MAPK10: variants seen among roughly 807,000 people sequenced by gnomAD.
MAPK10 encodes mitogen-activated protein kinase 10, also known as JNK3 alpha protein kinase.
Under a neutral mutation model 59.3 loss-of-function variants are expected in MAPK10, and 25 were observed. The observed-to-expected ratio is 0.42, with a 90% CI of 0.31 to 0.59. The LOEUF is 0.59. MAPK10 is among the 20% of genes least tolerant of loss of function. The pLI is 0.15. For missense variants in MAPK10, 351 were observed against 568.9 expected (o/e 0.62, Z 3.90); for synonymous variants, 190 against 200.5 (o/e 0.95, Z 0.44).
At chr4:86,276,260 A>G (rs989054462) in intron 2 of MAPK10, among the ~76,000 whole-genome samples, 2 of 152,036 alleles carry the variant, frequency 1.3e-5, no homozygotes, top group African/African-American at 2.4e-5. Flanking sequence ...CCTAGTACCT[A>G]TCTTTACTCT....
chr4:86,110,132 G>A (rs913066986), intron 4 of MAPK10, among the ~76,000 whole-genome samples: 8 of 151,974 alleles, frequency 5.3e-5, no homozygotes, highest in Non-Finnish European at 1.0e-4. Context: ...TTAGACCTTT[G>A]CCAGATGGAT....
At chr4:86,435,278 C>T (rs1364123978) in intron 1 of MAPK10, among the ~76,000 whole-genome samples, 1 of 152,042 alleles carries the variant, frequency 6.6e-6, no homozygotes, top group Non-Finnish European at 1.5e-5. Flanking sequence ...GGGCGGATTA[C>T]CTGAGGTCAG....
At chr4:86,142,060 A>C (rs570680582) in intron 4 of MAPK10, among the ~76,000 whole-genome samples, 1 of 152,300 alleles carries the variant, frequency 6.6e-6, no homozygotes, top group East Asian at 1.9e-4. Context: ...CAATCTCTCA[A>C]GAGCAAAAAT....
intron 1 of MAPK10, among the ~76,000 whole-genome samples, chr4:86,519,149 T>G (rs1485866355): frequency 1.3e-5 from 2 of 152,238 alleles, no homozygotes; most frequent in East Asian, 3.8e-4. Flanking sequence ...AGGGTATAGT[T>G]TAAGTCCACT....
intron 2 of MAPK10, chr4:86,335,248 CAT>C (rs969317724): frequency 1.3e-5 from 2 of 152,128 alleles, no homozygotes; most frequent in African/African-American, 4.8e-5. Context: ...ATTTGTTGTA[CAT>C]GTTACATTGC....
At chr4:86,396,860 A>G (rs1743012406) in intron 1 of MAPK10, among the ~76,000 whole-genome samples, 1 of 152,212 alleles carries the variant, frequency 6.6e-6, no homozygotes, top group Admixed American at 6.5e-5. Flanking sequence ...CGGGAATAAC[A>G]TTTCAACATG....
chr4:86,127,422 A>C (rs528051828), intron 4 of MAPK10, among the ~76,000 whole-genome samples: 4 of 152,100 alleles, frequency 2.6e-5, no homozygotes, highest in African/African-American at 9.7e-5. Context: ...TTCTATGAAC[A>C]TGACTCAAAT....
chr4:86,531,556 C>G (rs964968374), intron 1 of MAPK10, among the ~76,000 whole-genome samples: 1 of 152,150 alleles, frequency 6.6e-6, no homozygotes, highest in Non-Finnish European at 1.5e-5. Flanking sequence ...GATTCCCTCA[C>G]CAAGAGGGCA....
chr4:86,322,913 G>T (rs1193949903), intron 2 of MAPK10, among the ~76,000 whole-genome samples: 1 of 152,184 alleles, frequency 6.6e-6, no homozygotes, highest in Non-Finnish European at 1.5e-5. Context: ...CGAGCTTCAC[G>T]CCTGTAATCC....
intron 1 of MAPK10, among the ~76,000 whole-genome samples, chr4:86,582,510 C>T (rs527727185): frequency 6.6e-6 from 1 of 152,160 alleles, no homozygotes; most frequent in Non-Finnish European, 1.5e-5. Flanking sequence ...TATCAAATAA[C>T]TACCTTGGCT....
intron 1 of MAPK10, among the ~76,000 whole-genome samples, chr4:86,359,395 G>C (rs188907814): frequency 4.7e-5 from 7 of 148,788 alleles, no homozygotes; most frequent in Admixed American, 3.4e-4. Flanking sequence ...GTCACAATAA[G>C]AATGCTCCCT....
chr4:86,557,291 T>C (rs1760342936), intron 1 of MAPK10, among the ~76,000 whole-genome samples: 1 of 152,030 alleles, frequency 6.6e-6, no homozygotes, highest in Non-Finnish European at 1.5e-5. Flanking sequence ...TAAGATATAA[T>C]AAAATAACAA....
intron 1 of MAPK10, among the ~76,000 whole-genome samples, chr4:86,579,421 C>T (rs1762110556): frequency 6.6e-6 from 1 of 151,964 alleles, no homozygotes; most frequent in East Asian, 1.9e-4. Context: ...GCACATTTAC[C>T]TCATTCTTCC....
chr4:86,178,526 C>T (rs1038977576), intron 3 of MAPK10, among the ~76,000 whole-genome samples: 3 of 152,032 alleles, frequency 2.0e-5, no homozygotes, highest in African/African-American at 7.2e-5. Flanking sequence ...TTTATAGGTA[C>T]TCAGTAAGAT....
chr4:86,475,362 C>T (rs1300338673), intron 1 of MAPK10, among the ~76,000 whole-genome samples: 1 of 152,174 alleles, frequency 6.6e-6, no homozygotes, highest in Non-Finnish European at 1.5e-5. Context: ...AACATCACAC[C>T]AATTTTAAAT....
chr4:86,279,154 G>A (rs1336835357), intron 2 of MAPK10, among the ~76,000 whole-genome samples: 1 of 152,064 alleles, frequency 6.6e-6, no homozygotes, highest in East Asian at 1.9e-4. Flanking sequence ...CTAATATTAT[G>A]ACAAAATTAA....
chr4:86,463,483 T>C (rs1751926428), intron 1 of MAPK10, among the ~76,000 whole-genome samples: 3 of 152,338 alleles, frequency 2.0e-5, no homozygotes, highest in Non-Finnish European at 4.4e-5. Flanking sequence ...TGATATACTT[T>C]GTGCTGCCTC....
At chr4:86,567,146 G>A (rs1761111698) in intron 1 of MAPK10, among the ~76,000 whole-genome samples, 1 of 152,112 alleles carries the variant, frequency 6.6e-6, no homozygotes, top group South Asian at 2.1e-4. Context: ...TACTTAGATT[G>A]TATACTGTAC....
At chr4:86,139,258 C>A (rs1437757007) in intron 4 of MAPK10, among the ~76,000 whole-genome samples, 1 of 148,862 alleles carries the variant, frequency 6.7e-6, no homozygotes, top group Non-Finnish European at 1.5e-5. Context: ...AAGCTGGAGG[C>A]ATCACACTAC....
Sources: allele counts gnomAD v4.1 joint callset (sites outside exome capture counted in the v4.1 genomes callset), GRCh38; gene constraint gnomAD v4.1.1; transcripts MANE v1.5; gene names NCBI Gene and HGNC (gene_info 2026-07-23, HGNC 2026-07-21).